Variants in VPS8 observed in about 807,000 individuals in gnomAD.
VPS8 encodes the protein VPS8 subunit of CORVET complex.
In VPS8, 129 loss-of-function variants were observed where a neutral mutation model predicts 216.4. The observed-to-expected ratio is 0.60, with a 90% confidence interval of 0.52 to 0.69. The LOEUF is 0.69. Ranked by LOEUF, VPS8 falls within the 30% of genes least tolerant of loss-of-function variation. The probability of loss-of-function intolerance (pLI) is 0.00; values close to 1 mark genes in which losing one functional copy is unlikely to be tolerated. For synonymous variants in VPS8, 571 were observed against 565.4 expected, an observed-to-expected ratio of 1.01 and a Z score of -0.14; for missense variants, 1,531 against 1,683.5, an observed-to-expected ratio of 0.91 and a Z score of 1.59.
intron 18 of VPS8, chr3:184,868,354 C>T: frequency 3.0e-6 from 1 of 328,210 alleles, no homozygotes; most frequent in Non-Finnish European, 5.6e-6. Context: ...ATTCCATAAG[C>T]TTAAGCGTGC....
chr3:184,823,027 GA>G (rs1222789591), intron 1 of VPS8, among the ~76,000 whole-genome samples: 6 of 152,098 alleles, frequency 3.9e-5, no homozygotes, highest in Non-Finnish European at 8.8e-5. Context: ...TTCAGCTCTT[GA>G]AAAGTCAGTT....
At chr3:184,916,369 G>A (rs978501585) in intron 28 of VPS8, among the ~76,000 whole-genome samples, 4 of 151,842 alleles carry the variant, frequency 2.6e-5, no homozygotes, top group Non-Finnish European at 5.9e-5. Context: ...AAAGCAGCAG[G>A]CACACGAATA....
chr3:184,882,607 G>A (rs1025966762), intron 21 of VPS8, among the ~76,000 whole-genome samples: 1 of 151,978 alleles, frequency 6.6e-6, no homozygotes, highest in African/African-American at 2.4e-5. Context: ...CTCCTTTTCT[G>A]TTTTGTGGAA....
At chr3:184,936,989 G>A (rs953571176) in intron 35 of VPS8, among the ~76,000 whole-genome samples, 3 of 152,136 alleles carry the variant, frequency 2.0e-5, no homozygotes, top group African/African-American at 2.4e-5. Flanking sequence ...CGCCTGCCTC[G>A]GCCTCCCAAG....
intron 46 of VPS8, among the ~76,000 whole-genome samples, chr3:185,034,642 G>GTTA (rs1308809230): frequency 6.7e-6 from 1 of 148,746 alleles, no homozygotes; most frequent in Non-Finnish European, 1.5e-5. Context: ...TGTTGTTGTT[G>GTTA]TTCTGTGTGT....
intron 46 of VPS8, among the ~76,000 whole-genome samples, chr3:185,025,407 G>A (rs1204755159): frequency 6.6e-6 from 1 of 152,146 alleles, no homozygotes; most frequent in Non-Finnish European, 1.5e-5. Flanking sequence ...AAGGACTGTA[G>A]AACAAAAATA....
intron 21 of VPS8, among the ~76,000 whole-genome samples, chr3:184,878,660 T>C (rs1420023008): frequency 6.6e-6 from 1 of 152,178 alleles, no homozygotes; most frequent in Non-Finnish European, 1.5e-5. Context: ...AGAGTGTTGA[T>C]GTCTAGCACA....
chr3:184,886,643 G>A (rs895164847), intron 22 of VPS8, among the ~76,000 whole-genome samples: 2 of 151,314 alleles, frequency 1.3e-5, no homozygotes, highest in African/African-American at 2.4e-5. Context: ...GCAATGGTGC[G>A]ATCTCAGCTC....
At chr3:185,016,920 A>G (rs988133963) in intron 45 of VPS8, among the ~76,000 whole-genome samples, 6 of 152,002 alleles carry the variant, frequency 3.9e-5, no homozygotes, top group African/African-American at 1.5e-4. Context: ...GAGGCTTAAC[A>G]ATGGCCACCA....
chr3:184,928,511 C>T lies in VPS8; in HGVS notation c.2692C>T (p.Arg898Trp), dbSNP rs200766409. 72 of 1,522,384 alleles carry T rather than the reference C, an allele frequency of 4.7e-5. No homozygotes were observed. The highest frequency in any genetic ancestry group is 7.3e-5 in the African/African-American group (5 of 68,926). The allele number at this position is 1,522,384 out of a possible 1,614,324, so 94.3% of individuals were successfully genotyped here. ...IVQFEESRLIRMAEKAEFYQI... is the reference protein window; with the variant it reads ...IVQFEESRLIWMAEKAEFYQI... The stretch of plus-strand genomic sequence containing the variant: ...TCAATTTGAAGAGAGTCGACTCATC[C>T]GGATGGCAGAAAAAGCTGAGTTGTA... The change falls in exon 32 of 48, where the codon CGG (arginine) becomes TGG (tryptophan). Residue 898 changes from arginine (R) to tryptophan (W), a missense_variant. Coordinates refer to ENST00000625842, the MANE Select transcript of VPS8 (RefSeq NM_001009921.3).
intron 21 of VPS8, among the ~76,000 whole-genome samples, chr3:184,872,724 CATA>C (rs1427436309): frequency 6.6e-6 from 1 of 151,868 alleles, no homozygotes; most frequent in Non-Finnish European, 1.5e-5. Flanking sequence ...TTTTAACAAT[CATA>C]ATAATGATGA....
At chr3:184,841,026 TA>T (rs1219884364) in intron 7 of VPS8, among the ~76,000 whole-genome samples, 1 of 152,218 alleles carries the variant, frequency 6.6e-6, no homozygotes, top group East Asian at 1.9e-4. Flanking sequence ...TTTTAAAATG[TA>T]ATTGTAAAAC....
chr3:184,850,046 T>C, intron 10 of VPS8, 24 bp downstream of exon 10: 2 of 1,572,064 alleles, frequency 1.3e-6, no homozygotes, highest in Non-Finnish European at 8.6e-7. Context: ...TTTCTTTTCC[T>C]AATAATTTTT....
chr3:184,842,186 C>CAAAAAAAAAAAAAAAAA (rs71162267), intron 7 of VPS8, among the ~76,000 whole-genome samples: 41 of 48,972 alleles, frequency 8.4e-4, no homozygotes, highest in East Asian at 6.3e-3. Flanking sequence ...GACTCCGTCT[C>CAAAAAAAAAAAAAAAAA]AAAAAAAAAA....
chr3:184,878,766 AATAC>A (rs1375298778), intron 21 of VPS8, among the ~76,000 whole-genome samples: 4 of 152,278 alleles, frequency 2.6e-5, no homozygotes, highest in African/African-American at 9.6e-5. Flanking sequence ...AGAAAAGAAA[AATAC>A]ATACACACAT....
chr3:184,962,969 C>G (rs1746783169), intron 37 of VPS8, among the ~76,000 whole-genome samples: 1 of 152,022 alleles, frequency 6.6e-6, no homozygotes, highest in Non-Finnish European at 1.5e-5. Flanking sequence ...TTTTTAATGC[C>G]ATACTGCCAT....
rs1723944179 is a variant in VPS8 at position 184,849,965 on chromosome 3, ACTT to A, written c.699_701del (p.Leu234del). 6.2e-7 allele frequency: 1 copy of A among 1,613,366 alleles called. No individual in the cohort carries two copies. Among genetic ancestry groups the A allele is most frequent in the Admixed American group, 1.7e-5 (1 of 59,910 alleles). ...CCATGTGGGATTTGGCCAGTGGAAA[ACTT>A]CTAAGATCAATAACAGATGCTCATC... On this transcript the variant is annotated inframe_deletion, in exon 10 of 48. Coordinates refer to ENST00000625842, the MANE Select transcript of VPS8 (RefSeq NM_001009921.3).
intron 8 of VPS8, among the ~76,000 whole-genome samples, chr3:184,848,222 A>T (rs1038227795): frequency 6.6e-6 from 1 of 152,066 alleles, no homozygotes; most frequent in Non-Finnish European, 1.5e-5. Context: ...CACTTTTAGC[A>T]TATCAAATTT....
rs141510252 is a variant in VPS8 at position 184,936,769 on chromosome 3, G to A, written c.2988+434G>A. On this transcript the variant is annotated intron_variant, in intron 35 of 47. Coordinates refer to ENST00000625842, the MANE Select transcript of VPS8 (RefSeq NM_001009921.3). The stretch of plus-strand genomic sequence containing the variant: ...TTTTTTTTTTTTGAGATGGAGTCTC[G>A]CTCTGTCACCCAGGCTGGAGTGCAG... 5.7e-3 allele frequency among the ~76,000 whole-genome samples: 848 copies of A among 147,784 alleles called. 6 individuals are homozygous for A. The highest frequency in any genetic ancestry group is 0.02 in the African/African-American group (789 of 39,836).
Sources: allele counts gnomAD v4.1 joint callset (sites outside exome capture counted in the v4.1 genomes callset), GRCh38; gene constraint gnomAD v4.1.1; transcripts MANE v1.5; gene names NCBI Gene and HGNC (gene_info 2026-07-23, HGNC 2026-07-21).